Variants in SMYD3 observed in about 807,000 individuals in gnomAD.
SMYD3 encodes histone-lysine N-methyltransferase SMYD3.
Under a neutral mutation model 57.7 loss-of-function variants are expected in SMYD3, and 36 were observed. The observed-to-expected ratio is 0.62, with a 90% CI of 0.48 to 0.82. SMYD3 has a LOEUF of 0.82. SMYD3 is among the 40% of genes least tolerant of loss of function. The pLI, the probability that SMYD3 is intolerant of heterozygous loss-of-function variation, is 0.00. For missense variants in SMYD3, 515 were observed against 538.8 expected, an observed-to-expected ratio of 0.96 and a Z score of 0.44; for synonymous variants, 211 against 195.0, an observed-to-expected ratio of 1.08 and a Z score of -0.68.
intron 5 of SMYD3, among the ~76,000 whole-genome samples, chr1:246,055,013 A>T (rs182741859): frequency 3.6e-3 from 544 of 152,054 alleles, no homozygotes; most frequent in Admixed American, 6.5e-3. Flanking sequence ...GTCTCTACTA[A>T]AAATACAAAA....
intron 5 of SMYD3, among the ~76,000 whole-genome samples, chr1:246,184,036 C>T (rs970298320): frequency 2.0e-5 from 3 of 152,314 alleles, no homozygotes; most frequent in Middle Eastern, 3.4e-3. Context: ...CACCTATCCA[C>T]GTCCCAGATT....
In SMYD3 at chr1:245,916,636, T is replaced by A. The variant is rs139143589; in HGVS notation, c.703-996A>T. Among the ~76,000 whole-genome samples the A allele has an allele frequency of 1.1e-4, 17 of 152,294 alleles. No individual in the cohort carries two copies. The East Asian group carries it at 2.3e-3, about 21-fold the overall frequency. On this transcript the variant is annotated intron_variant, in intron 7 of 11. Transcript: ENST00000490107. ...GCTCCACCTTAAAAACTACCCAGAA[T>A]CAACCACTTTTTACCTTTTCCAGTG...
rs149052365 is a variant in SMYD3, at chr1:246,086,018, T to C, written c.532-156081A>G. On this transcript the variant is annotated intron_variant, in intron 5 of 11. Coordinates refer to ENST00000490107, the MANE Select transcript of SMYD3 (RefSeq NM_001167740.2). ...TCCTTTTGCCTTTGCTTGAACAATG[T>C]ACAAGAATCTAGCATGCCGAATGAC... 2.7e-3 allele frequency among the ~76,000 whole-genome samples: 402 copies of C among 151,612 alleles called. 3 individuals carry two copies. Among genetic ancestry groups the C allele is most frequent in the African/African-American group, 9.1e-3 (376 of 41,292 alleles).
In SMYD3 at chr1:246,481,732, G is replaced by GTA. The variant is rs1319803657; in HGVS notation, c.164+25320_164+25321dup. Among the ~76,000 whole-genome samples, 9 of 146,510 alleles carry GTA rather than the reference G, an allele frequency of 6.1e-5. No homozygotes were observed. In the East Asian group the frequency reaches 1.8e-3, roughly 29 times the overall value. On this transcript the variant is annotated intron_variant, in intron 1 of 11. Coordinates refer to ENST00000490107, the MANE Select transcript of SMYD3 (RefSeq NM_001167740.2). ...ATTATATATATATGAACTGATATGAGTATATATATGATCATATATGATTAT... is the reference window on the plus strand; with the variant it reads ...ATTATATATATATGAACTGATATGAGTATATATATATGATCATATATGATTAT...
intron 1 of SMYD3, among the ~76,000 whole-genome samples, chr1:246,372,681 G>A (rs1307676920): frequency 6.6e-6 from 1 of 152,194 alleles, no homozygotes; most frequent in East Asian, 1.9e-4. Context: ...GACTAGCCTG[G>A]CCAACATGGC....
At chr1:246,407,714 C>T (rs1248006979) in intron 1 of SMYD3, among the ~76,000 whole-genome samples, 2 of 151,828 alleles carry the variant, frequency 1.3e-5, no homozygotes, top group Non-Finnish European at 2.9e-5. Context: ...TGGTGGCAAG[C>T]GCCTGTAATC....
intron 11 of SMYD3, among the ~76,000 whole-genome samples, chr1:245,762,833 C>A (rs999871362): frequency 2.1e-4 from 32 of 152,182 alleles, no homozygotes; most frequent in Admixed American, 1.8e-3. Context: ...CCTGAGCAAC[C>A]CTGACGCCCG....
intron 1 of SMYD3, among the ~76,000 whole-genome samples, chr1:246,504,195 C>G (rs998695187): frequency 6.6e-6 from 1 of 152,140 alleles, no homozygotes; most frequent in African/African-American, 2.4e-5. Context: ...CAAAGGAAAT[C>G]ATGTAAAACT....
chr1:245,829,122 T>TTA (rs2049688783), intron 10 of SMYD3, among the ~76,000 whole-genome samples: 1 of 151,300 alleles, frequency 6.6e-6, no homozygotes, highest in Non-Finnish European at 1.5e-5. Flanking sequence ...CAATCACTTT[T>TTA]TTTTTTTTAA....
chr1:245,756,437 T>C (rs1264434074), intron 11 of SMYD3, among the ~76,000 whole-genome samples: 1 of 152,094 alleles, frequency 6.6e-6, no homozygotes, highest in Non-Finnish European at 1.5e-5. Flanking sequence ...ACCCACACTT[T>C]TGCTGACCAT....
intron 10 of SMYD3, among the ~76,000 whole-genome samples, chr1:245,812,739 C>G (rs1553330526): frequency 6.8e-6 from 1 of 146,578 alleles, no homozygotes; most frequent in Non-Finnish European, 1.5e-5. Context: ...GCGAGAGAGA[C>G]AGAGAAACTC....
intron 10 of SMYD3, among the ~76,000 whole-genome samples, chr1:245,824,059 C>G (rs561748434): frequency 6.6e-6 from 1 of 152,174 alleles, no homozygotes. Flanking sequence ...CCCCTACTCA[C>G]GACTGGAGAG....
chr1:246,455,717 G>C (rs1357259774), intron 1 of SMYD3, among the ~76,000 whole-genome samples: 3 of 152,210 alleles, frequency 2.0e-5, no homozygotes, highest in East Asian at 1.9e-4. Flanking sequence ...CAACTGGCAG[G>C]CTATTTCATG....
At chr1:246,115,365 C>T (rs957860325) in intron 5 of SMYD3, among the ~76,000 whole-genome samples, 2 of 152,166 alleles carry the variant, frequency 1.3e-5, no homozygotes, top group Non-Finnish European at 2.9e-5. Context: ...AGAGCCTTGC[C>T]TCAGTGACTT....
chr1:246,147,949 C>A (rs114457874), intron 5 of SMYD3, among the ~76,000 whole-genome samples: 5,549 of 152,188 alleles, frequency 0.036, 158 homozygotes, highest in Non-Finnish European at 0.055. Context: ...GGTGTCTGCT[C>A]CCGCTTCCCA....
chr1:246,039,673 G>A (rs964577618), intron 5 of SMYD3, among the ~76,000 whole-genome samples: 11 of 152,152 alleles, frequency 7.2e-5, no homozygotes, highest in African/African-American at 2.4e-4. Context: ...AGTAACTGGC[G>A]ACAGTTTAGT....
At chr1:246,322,056 C>G (rs1247888862) in intron 5 of SMYD3, among the ~76,000 whole-genome samples, 1 of 152,100 alleles carries the variant, frequency 6.6e-6, no homozygotes, top group South Asian at 2.1e-4. Flanking sequence ...TGTGCCTGAC[C>G]AATAAATCCA....
intron 1 of SMYD3, among the ~76,000 whole-genome samples, chr1:246,464,650 T>C (rs2067856351): frequency 6.6e-6 from 1 of 152,252 alleles, no homozygotes; most frequent in Admixed American, 6.5e-5. Flanking sequence ...GTAAACTGTT[T>C]GTGTGTCTGT....
At chr1:246,178,817 T>C (rs2062480084) in intron 5 of SMYD3, 1 of 150,732 alleles carries the variant, frequency 6.6e-6, no homozygotes, top group Non-Finnish European at 1.5e-5. Context: ...TGAATCATAT[T>C]TGTGACCAAA....
Sources: allele counts gnomAD v4.1 joint callset (sites outside exome capture counted in the v4.1 genomes callset), GRCh38; gene constraint gnomAD v4.1.1; transcripts MANE v1.5; gene names NCBI Gene and HGNC (gene_info 2026-07-23, HGNC 2026-07-21).